CNTNAP2: variants seen among roughly 807,000 people sequenced by gnomAD.
CNTNAP2 encodes the protein contactin-associated protein-like 2.
In CNTNAP2, 98 loss-of-function variants were observed where a neutral mutation model predicts 155.2. The ratio of observed to expected loss-of-function variants is 0.63; its 90% confidence interval spans 0.54 to 0.75. CNTNAP2 has a LOEUF of 0.75. Ranked by LOEUF, CNTNAP2 falls within the 30% of genes least tolerant of loss-of-function variation. The pLI is 0.00. For synonymous variants in CNTNAP2, 651 were observed against 631.2 expected (o/e 1.03, Z -0.47); for missense variants, 1,727 against 1,688.1 (o/e 1.02, Z -0.40).
At chr7:148,358,679 A>AGC (rs150874920) in intron 21 of CNTNAP2, among the ~76,000 whole-genome samples, 2,964 of 152,290 alleles carry the variant, frequency 0.019, 93 homozygotes, top group African/African-American at 0.068. Context: ...TCTGCTTTCA[A>AGC]GCGCGTAATC....
chr7:146,180,293 AT>A (rs975355226), intron 1 of CNTNAP2, among the ~76,000 whole-genome samples: 3 of 149,624 alleles, frequency 2.0e-5, no homozygotes, highest in African/African-American at 2.5e-5. Flanking sequence ...TTTTTATTTC[AT>A]TTTTTTCTTT....
chr7:146,900,232 T>G (rs1366421009), intron 3 of CNTNAP2, among the ~76,000 whole-genome samples: 2 of 152,190 alleles, frequency 1.3e-5, no homozygotes, highest in Non-Finnish European at 2.9e-5. Flanking sequence ...TGTAGCATAG[T>G]CAATCACCAA....
intron 13 of CNTNAP2, among the ~76,000 whole-genome samples, chr7:147,736,410 T>C (rs541339532): frequency 6.6e-6 from 1 of 152,364 alleles, no homozygotes; most frequent in South Asian, 2.1e-4. Flanking sequence ...CTGATGGGCT[T>C]CCCTTTGTGG....
chr7:146,998,944 A>T (rs1360750891), intron 3 of CNTNAP2, among the ~76,000 whole-genome samples: 3 of 151,946 alleles, frequency 2.0e-5, no homozygotes, highest in Non-Finnish European at 4.4e-5. Flanking sequence ...TCATTTTTTT[A>T]AATTCATTCA....
chr7:147,438,210 T>C (rs1797583485), intron 10 of CNTNAP2, among the ~76,000 whole-genome samples: 1 of 152,066 alleles, frequency 6.6e-6, no homozygotes, highest in Non-Finnish European at 1.5e-5. Flanking sequence ...GGAAAGGCTT[T>C]CAGTTTTTCC....
At chr7:147,177,276 C>A (rs1193688792) in intron 8 of CNTNAP2, among the ~76,000 whole-genome samples, 5 of 151,922 alleles carry the variant, frequency 3.3e-5, no homozygotes, top group Non-Finnish European at 5.9e-5. Flanking sequence ...AAAGGTGGAA[C>A]CAGGTGGAGT....
rs191585015 is a variant in CNTNAP2, at chr7:147,642,855, T to C, written c.2098+3549T>C. 1.5e-4 allele frequency among the ~76,000 whole-genome samples: 23 copies of C among 152,346 alleles called. No individual in the cohort carries two copies. In the East Asian group the frequency reaches 3.5e-3, roughly 23 times the overall value. On this transcript the variant is annotated intron_variant, in intron 13 of 23. Transcript: ENST00000361727. ...TGCCTGTTTGGACATTCTATATATA[T>C]ATCAAATCTTTGGTTCACATAGGAT... is the stretch of plus-strand genomic sequence containing the variant.
chr7:147,311,466 C>A (rs1246031502), intron 9 of CNTNAP2, among the ~76,000 whole-genome samples: 1 of 152,098 alleles, frequency 6.6e-6, no homozygotes, highest in East Asian at 1.9e-4. Context: ...AATGGCCTGG[C>A]TCTCTTACTC....
At chr7:146,478,661 C>T (rs1355034512) in intron 1 of CNTNAP2, among the ~76,000 whole-genome samples, 1 of 151,830 alleles carries the variant, frequency 6.6e-6, no homozygotes, top group African/African-American at 2.4e-5. Context: ...TAACCAACCC[C>T]TCCCCTCTTC....
At chr7:146,573,998 C>T (rs779551996) in intron 1 of CNTNAP2, among the ~76,000 whole-genome samples, 3 of 152,072 alleles carry the variant, frequency 2.0e-5, no homozygotes, top group Non-Finnish European at 2.9e-5. Context: ...TATCTGGAAA[C>T]TTTGTTTCTG....
chr7:146,211,486 C>T lies in CNTNAP2; in HGVS notation c.97+94513C>T, dbSNP rs531990925. Among the ~76,000 whole-genome samples the T allele has an allele frequency of 2.0e-5, 3 of 152,078 alleles. No homozygotes were observed. In the South Asian group the frequency reaches 6.2e-4, roughly 32 times the overall value. ...TTAATGCTGTATTTTTAATATTTTCCTTTTTGCTTTATAATGGGCCCACTT... is the reference window on the plus strand; with the variant it reads ...TTAATGCTGTATTTTTAATATTTTCTTTTTTGCTTTATAATGGGCCCACTT... On this transcript the variant is annotated intron_variant, in intron 1 of 23. Coordinates refer to ENST00000361727, the MANE Select transcript of CNTNAP2 (RefSeq NM_014141.6).
intron 1 of CNTNAP2, among the ~76,000 whole-genome samples, chr7:146,322,456 A>G (rs1801020932): frequency 6.6e-6 from 1 of 152,090 alleles, no homozygotes; most frequent in African/African-American, 2.4e-5. Context: ...AGTTATCTAA[A>G]TGTTCAGGGA....
Position 146,492,550 on chromosome 7 carries a change from G to A in CNTNAP2, c.98-281721G>A, listed in dbSNP as rs145563273. Among the ~76,000 whole-genome samples the A allele has an allele frequency of 6.3e-4, 96 of 152,158 alleles. 1 individual carries two copies. In the East Asian group the frequency reaches 0.01, roughly 16 times the overall value. ...AAGCAGGTGTCAAACCAACTCCTTT[G>A]GCAGAATTCTAAAAGCAACTTGTAC... On this transcript the variant is annotated intron_variant, in intron 1 of 23. Coordinates refer to ENST00000361727, the MANE Select transcript of CNTNAP2 (RefSeq NM_014141.6).
chr7:148,073,945 G>A (rs985904185), intron 15 of CNTNAP2, among the ~76,000 whole-genome samples: 3 of 152,034 alleles, frequency 2.0e-5, no homozygotes, highest in Non-Finnish European at 4.4e-5. Flanking sequence ...GAATGTGCTC[G>A]GATTTTGGTA....
At chr7:146,621,882 TTTA>T (rs1490203720) in intron 1 of CNTNAP2, among the ~76,000 whole-genome samples, 1 of 152,126 alleles carries the variant, frequency 6.6e-6, no homozygotes, top group Non-Finnish European at 1.5e-5. Flanking sequence ...TGTATAAAAT[TTTA>T]TTATTCCTCC....
chr7:146,223,100 A>C (rs1799234896), intron 1 of CNTNAP2, among the ~76,000 whole-genome samples: 1 of 152,154 alleles, frequency 6.6e-6, no homozygotes, highest in Non-Finnish European at 1.5e-5. Context: ...TTCAATGAAC[A>C]CATAGACACA....
chr7:148,380,374 A>G (rs1730408), intron 21 of CNTNAP2, among the ~76,000 whole-genome samples: 108,333 of 151,642 alleles, frequency 0.71, 39,831 homozygotes, highest in Admixed American at 0.8. Flanking sequence ...AGGCATTTCT[A>G]TAACTTTGTG....
chr7:146,118,878 T>A (rs1404788674), intron 1 of CNTNAP2, among the ~76,000 whole-genome samples: 1 of 152,134 alleles, frequency 6.6e-6, no homozygotes, highest in Non-Finnish European at 1.5e-5. Flanking sequence ...AATGGCTTAA[T>A]TAAGGTGGCT....
At chr7:146,595,199 A>G (rs940212581) in intron 1 of CNTNAP2, among the ~76,000 whole-genome samples, 4 of 152,218 alleles carry the variant, frequency 2.6e-5, no homozygotes, top group Non-Finnish European at 5.9e-5. Flanking sequence ...TAAAAATTTC[A>G]TAAATTGATT....
Sources: gnomAD v4.1 joint callset for allele counts (sites outside exome capture counted in the v4.1 genomes callset) on GRCh38, gnomAD v4.1.1 for gene constraint, MANE v1.5 for transcripts, NCBI Gene and HGNC (gene_info 2026-07-23, HGNC 2026-07-21) for gene names.